Variants in KIFC3 observed in about 807,000 individuals in gnomAD.
KIFC3 encodes kinesin-like protein KIFC3.
Under a neutral mutation model 101.8 loss-of-function variants are expected in KIFC3, and 60 were observed. The ratio of observed to expected loss-of-function variants is 0.59; its 90% CI spans 0.48 to 0.73. KIFC3 has a LOEUF of 0.73. Among genes scored for constraint, KIFC3 ranks in the 30% least tolerant of loss-of-function variants. The pLI is 0.00. For missense variants in KIFC3, 966 were observed against 1,137.1 expected, an observed-to-expected ratio of 0.85 and a Z score of 2.16; for synonymous variants, 476 against 482.7, an observed-to-expected ratio of 0.99 and a Z score of 0.18.
intron 1 of KIFC3, among the ~76,000 whole-genome samples, chr16:57,818,420 A>G (rs150200686): frequency 9.8e-4 from 149 of 152,334 alleles, no homozygotes; most frequent in African/African-American, 3.5e-3. Context: ...GCTGGAGTAC[A>G]GTGGCACAAT....
intron 3 of KIFC3, among the ~76,000 whole-genome samples, chr16:57,780,295 G>A (rs933697066): frequency 6.6e-6 from 1 of 152,172 alleles, no homozygotes; most frequent in African/African-American, 2.4e-5. Context: ...TGGATCACCT[G>A]AGGTCAGGAA....
intron 1 of KIFC3, among the ~76,000 whole-genome samples, chr16:57,843,933 C>A (rs903925300): frequency 6.6e-6 from 1 of 151,736 alleles, no homozygotes; most frequent in African/African-American, 2.4e-5. Context: ...CATGGTAAAA[C>A]CCTGTCTCTA....
At chr16:57,826,588 T>G (rs2055461514) in intron 1 of KIFC3, among the ~76,000 whole-genome samples, 1 of 152,080 alleles carries the variant, frequency 6.6e-6, no homozygotes, top group Non-Finnish European at 1.5e-5. Flanking sequence ...CAAAACAAAA[T>G]AAACTATGTG....
intron 11 of KIFC3, 149 bp from the exon 12 acceptor site, chr16:57,764,396 T>C: frequency 3.2e-6 from 2 of 616,020 alleles, no homozygotes; most frequent in Non-Finnish European, 5.9e-6. Flanking sequence ...CAATGATTCG[T>C]GACTCATGAG....
intron 1 of KIFC3, among the ~76,000 whole-genome samples, chr16:57,828,520 G>A (rs1407536189): frequency 6.6e-6 from 1 of 152,226 alleles, no homozygotes; most frequent in Non-Finnish European, 1.5e-5. Flanking sequence ...TCTACCTGAG[G>A]GTGGCACCTC....
chr16:57,832,752 T>C (rs1361340872), intron 1 of KIFC3, among the ~76,000 whole-genome samples: 3 of 152,184 alleles, frequency 2.0e-5, no homozygotes, highest in South Asian at 4.1e-4. Flanking sequence ...TCAGGCACTT[T>C]CCTTTAAAAA....
In KIFC3 at chr16:57,794,201, T is replaced by C. The variant is rs529349144; in HGVS notation, c.315+798A>G. On this transcript the variant is annotated intron_variant, in intron 3 of 19. Coordinates refer to ENST00000445690, the MANE Select transcript of KIFC3 (RefSeq NM_001130100.2). ...GTTATGTATTATTTCTATAGCCAAA[T>C]ATACATACATATGTAAAGTTTATCT... Among the ~76,000 whole-genome samples, 6 of 152,214 alleles carry C rather than the reference T, an allele frequency of 3.9e-5. No homozygotes were observed. The South Asian group carries it at 1.2e-3, about 32-fold the overall frequency.
At chr16:57,834,153 G>A (rs1400617336) in intron 1 of KIFC3, among the ~76,000 whole-genome samples, 3 of 152,020 alleles carry the variant, frequency 2.0e-5, no homozygotes, top group Non-Finnish European at 4.4e-5. Flanking sequence ...GAGCCACCGC[G>A]CCCCGGGAAT....
intron 1 of KIFC3, among the ~76,000 whole-genome samples, chr16:57,837,581 G>GAAAGAAAGAAAGAA (rs1458271827): frequency 1.1e-4 from 16 of 151,660 alleles, no homozygotes; most frequent in Middle Eastern, 3.4e-3. Context: ...AAGAAAGAAA[G>GAAAGAAAGAAAGAA]AGTAGCAGTA....
chr16:57,852,980 T>C (rs776460975), intron 1 of KIFC3, among the ~76,000 whole-genome samples: 14 of 152,168 alleles, frequency 9.2e-5, no homozygotes, highest in Non-Finnish European at 1.6e-4. Flanking sequence ...TAGTATGCTA[T>C]AGTATATTTC....
Position 57,758,721 on chromosome 16 carries a change from A to G in KIFC3, c.*213T>C, listed in dbSNP as rs1555591471. On this transcript the variant is annotated 3_prime_UTR_variant, in exon 20 of 20. Coordinates refer to ENST00000445690, the MANE Select transcript of KIFC3 (RefSeq NM_001130100.2). ...GCCCATGCAATTTGCACTCAGAGCC[A>G]CAGCCGAGAGACACCGTTTCCTTCT... is the stretch of plus-strand genomic sequence containing the variant. The G allele has an allele frequency of 1.2e-6, 1 of 830,378 alleles. No individual in the cohort carries two copies. The highest frequency in any genetic ancestry group is 2.0e-6 in the Non-Finnish European group (1 of 496,572). 51.4% of individuals were successfully genotyped at this position (830,378 alleles called of 1,614,324 possible). A position where few individuals can be genotyped will look rare whatever the true frequency, so the allele number is the denominator to read the frequency against.
At chr16:57,803,047 T>A (rs1598175658), upstream of KIFC3, 2 of 1,535,700 alleles carry the variant, frequency 1.3e-6, no homozygotes, top group Non-Finnish European at 1.7e-6. Context: ...ACGCTCTCAC[T>A]CGCTCCACCA....
rs1426455389 is a variant in KIFC3 at position 57,798,116 on chromosome 16, G to A, written c.128C>T (p.Ala43Val). ...GCCGGTGTGTGGGAAAGGGCGGGCG[G>A]CCGGGCTGGCTGGGGCTGGGGCGGG... ...ARPAPAPASP[A>V]ARPFPHTGPG... Residue 43 changes from alanine (A) to valine (V), a missense_variant, in exon 2 of 20, where the codon GCC becomes GTC. By Grantham distance (64) the Ala-to-Val change is moderately conservative (BLOSUM62 0). This residue lies in a region of KIFC3 where 277 missense variants were observed against 252.5 expected (regional missense o/e 1.10). Coordinates refer to ENST00000445690, the MANE Select transcript of KIFC3 (RefSeq NM_001130100.2). The A allele has an allele frequency of 1.3e-6, 2 of 1,578,852 alleles. No homozygotes were observed. Among genetic ancestry groups the A allele is most frequent in the Non-Finnish European group, 1.7e-6 (2 of 1,162,994 alleles).
intron 1 of KIFC3, among the ~76,000 whole-genome samples, chr16:57,819,794 C>T (rs1159448681): frequency 1.3e-5 from 2 of 151,910 alleles, no homozygotes; most frequent in East Asian, 1.9e-4. Context: ...CTCCTGAGCT[C>T]GTGATCTGCC....
At chr16:57,782,184 T>C in intron 3 of KIFC3, 2 of 977,998 alleles carry the variant, frequency 2.0e-6, no homozygotes, top group Non-Finnish European at 2.4e-6. Flanking sequence ...CTTTTTTCTG[T>C]CCATTCTTAC....
chr16:57,769,480 G>C lies in KIFC3; in HGVS notation c.1218+115C>G. 1 of 1,332,532 alleles carries C rather than the reference G, an allele frequency of 7.5e-7. No individual in the cohort carries two copies. The highest frequency in any genetic ancestry group is 1.0e-6 in the Non-Finnish European group (1 of 978,308). 82.5% of individuals were successfully genotyped at this position (1,332,532 alleles called of 1,614,324 possible). A position where few individuals can be genotyped will look rare whatever the true frequency, so the allele number is the denominator to read the frequency against. ...GTAAGTGTCATGGGGGGTGGGGCAG[G>C]GGCTGCTGTCTGAGCGGCTTTGTCT... On this transcript the variant is annotated intron_variant, in intron 9 of 19. Transcript: ENST00000445690. This position sits in a 1 kb window ranked among gnomAD's most constrained non-coding sequence, Gnocchi z 4.3.
intron 3 of KIFC3, among the ~76,000 whole-genome samples, chr16:57,786,663 G>A (rs2053357800): frequency 6.6e-6 from 1 of 152,162 alleles, no homozygotes; most frequent in African/African-American, 2.4e-5. Flanking sequence ...GGAGCCTGGG[G>A]CTCTAGGTGT....
At chr16:57,848,931 T>C (rs969584198) in intron 1 of KIFC3, among the ~76,000 whole-genome samples, 19 of 152,174 alleles carry the variant, frequency 1.2e-4, no homozygotes, top group Non-Finnish European at 2.9e-5. Flanking sequence ...TATGAGAACA[T>C]TTCTATGATG....
At chr16:57,851,104 A>G (rs1418280917) in intron 1 of KIFC3, among the ~76,000 whole-genome samples, 1 of 151,646 alleles carries the variant, frequency 6.6e-6, no homozygotes, top group African/African-American at 2.4e-5. Flanking sequence ...TCAAGCTCCT[A>G]GGCTCCAGGC....
Sources: allele counts gnomAD v4.1 joint callset (sites outside exome capture counted in the v4.1 genomes callset), GRCh38; gene constraint gnomAD v4.1.1; regional missense constraint gnomAD v4.1.1; non-coding constraint Gnocchi (gnomAD v3.1); transcripts MANE v1.5; gene names NCBI Gene and HGNC (gene_info 2026-07-23, HGNC 2026-07-21).